PHF14: variants seen among roughly 807,000 people sequenced by gnomAD.
PHF14 encodes the protein PHD finger protein 14.
A neutral mutation model predicts 117.9 loss-of-function variants in PHF14; 55 were observed. That is an observed-to-expected ratio of 0.47 (90% CI 0.38 to 0.58). PHF14 has a LOEUF of 0.58. PHF14 is among the 20% of genes least tolerant of loss of function. The pLI, the probability that PHF14 is intolerant of heterozygous loss-of-function variation, is 0.00. For missense variants in PHF14, 978 were observed against 1,122.2 expected, an observed-to-expected ratio of 0.87 and a Z score of 1.84; for synonymous variants, 409 against 368.6, an observed-to-expected ratio of 1.11 and a Z score of -1.26.
intron 5 of PHF14, among the ~76,000 whole-genome samples, chr7:11,019,109 T>C (rs1783635387): frequency 1.3e-5 from 2 of 152,172 alleles, no homozygotes; most frequent in Non-Finnish European, 2.9e-5. Context: ...TAATGATCTT[T>C]CTAACGTATT....
chr7:11,129,410 G>C (rs1054596392), intron 17 of PHF14, among the ~76,000 whole-genome samples: 1 of 151,954 alleles, frequency 6.6e-6, no homozygotes, highest in African/African-American at 2.4e-5. Flanking sequence ...AATAGTACCT[G>C]TTCACAGATT....
intron 13 of PHF14, among the ~76,000 whole-genome samples, chr7:11,047,570 C>T (rs78126347): frequency 2.7e-5 from 4 of 149,814 alleles, no homozygotes; most frequent in Admixed American, 2.0e-4. Context: ...CTGAGGCGGG[C>T]GGATCACTTG....
At chr7:11,155,652 C>G (rs1196584021) in intron 17 of PHF14, among the ~76,000 whole-genome samples, 2 of 152,068 alleles carry the variant, frequency 1.3e-5, no homozygotes, top group Admixed American at 1.3e-4. Context: ...CTATGTTTTT[C>G]TTCCATTGAA....
intron 16 of PHF14, among the ~76,000 whole-genome samples, chr7:11,086,745 G>A (rs1421598390): frequency 6.6e-6 from 1 of 152,080 alleles, no homozygotes; most frequent in Admixed American, 6.6e-5. Flanking sequence ...ACAAAACATT[G>A]AAATTTTGGT....
At chr7:10,995,638 C>T (rs896814957) in intron 4 of PHF14, among the ~76,000 whole-genome samples, 1 of 152,182 alleles carries the variant, frequency 6.6e-6, no homozygotes, top group African/African-American at 2.4e-5. Flanking sequence ...ACGCAGGAGC[C>T]CATGGCGGGG....
intron 7 of PHF14, among the ~76,000 whole-genome samples, chr7:11,032,436 G>A (rs1396083322): frequency 6.6e-6 from 1 of 151,354 alleles, no homozygotes; most frequent in African/African-American, 2.4e-5. Context: ...CCGAAGTTGT[G>A]TCTTCTTTCA....
intron 17 of PHF14, among the ~76,000 whole-genome samples, chr7:11,153,560 A>C (rs1788760269): frequency 6.6e-6 from 1 of 152,078 alleles, no homozygotes; most frequent in African/African-American, 2.4e-5. Context: ...AGTCATCATA[A>C]AGTAGTTGGC....
rs545425779 is a variant in PHF14 at position 11,077,416 on chromosome 7, C to T, written c.2654+15331C>T. Among the ~76,000 whole-genome samples the T allele has an allele frequency of 1.1e-4, 17 of 151,822 alleles. 1 individual carries two copies. The South Asian group carries it at 2.3e-3, about 20-fold the overall frequency. ...AAGAGATGAAGACCATCCTGGCCAA[C>T]GTGGTAAAACCCCGTCTCTACTACA... is the stretch of plus-strand genomic sequence containing the variant. On this transcript the variant is annotated intron_variant, in intron 16 of 17. Coordinates refer to ENST00000634607, the MANE Select transcript of PHF14 (RefSeq NM_001007157.2).
chr7:11,105,389 C>T, intron 16 of PHF14: 2 of 955,832 alleles, frequency 2.1e-6, no homozygotes, highest in Non-Finnish European at 2.5e-6. Flanking sequence ...TGGTTTTAAA[C>T]AAAGTTACTT....
chr7:11,032,569 C>G (rs1639272796), intron 7 of PHF14, among the ~76,000 whole-genome samples: 1 of 151,600 alleles, frequency 6.6e-6, no homozygotes, highest in Non-Finnish European at 1.5e-5. Flanking sequence ...TAAACTTAAT[C>G]CATAGATGGA....
At chr7:11,107,763 A>G (rs1325654718) in intron 16 of PHF14, 2 of 870,630 alleles carry the variant, frequency 2.3e-6, no homozygotes, top group African/African-American at 3.6e-5. Flanking sequence ...TTTGTGGGTC[A>G]ATGACTGCTT....
chr7:11,140,048 G>A (rs1281496958), intron 17 of PHF14, among the ~76,000 whole-genome samples: 2 of 152,014 alleles, frequency 1.3e-5, no homozygotes, highest in Non-Finnish European at 2.9e-5. Context: ...CACCTTACAC[G>A]TTCCTACACA....
intron 14 of PHF14, among the ~76,000 whole-genome samples, chr7:11,057,685 T>C (rs1289742600): frequency 6.6e-6 from 1 of 152,220 alleles, no homozygotes; most frequent in Admixed American, 6.5e-5. Flanking sequence ...GAATAAACTA[T>C]TTAAAAGTTG....
At chr7:11,057,721 C>A (rs560386850) in intron 14 of PHF14, among the ~76,000 whole-genome samples, 2 of 152,210 alleles carry the variant, frequency 1.3e-5, no homozygotes, top group African/African-American at 4.8e-5. Context: ...AATTTTACAC[C>A]TTTTCAGTTT....
intron 9 of PHF14, 92 bp from the exon 10 acceptor site, chr7:11,036,893 G>T (rs1784338113): frequency 2.0e-6 from 2 of 995,906 alleles, no homozygotes; most frequent in East Asian, 5.2e-5. Flanking sequence ...AAACTATGTA[G>T]GTTTATCAAT....
At chr7:11,042,634 C>A in intron 12 of PHF14, 49 bp from the exon 13 acceptor site, 2 of 1,323,768 alleles carry the variant, frequency 1.5e-6, no homozygotes, top group Admixed American at 2.5e-5. Context: ...TAAACTGTTT[C>A]ACTATGATAA....
intron 17 of PHF14, among the ~76,000 whole-genome samples, chr7:11,138,054 T>TTTTTTTTA (rs1788277545): frequency 6.6e-6 from 1 of 151,782 alleles, no homozygotes; most frequent in African/African-American, 2.4e-5. Context: ...TTTTTTTTTT[T>TTTTTTTTA]GAGACGGAGT....
chr7:11,104,938 T>A, intron 16 of PHF14: 2 of 965,330 alleles, frequency 2.1e-6, no homozygotes, highest in South Asian at 9.6e-5. Flanking sequence ...GCTTTTAACA[T>A]CTCCTTAAAA....
intron 17 of PHF14, among the ~76,000 whole-genome samples, chr7:11,167,410 T>G (rs1461787475): frequency 6.6e-6 from 1 of 152,220 alleles, no homozygotes; most frequent in African/African-American, 2.4e-5. Flanking sequence ...TTTACGATAG[T>G]TAAGAACAAT....
Sources: gnomAD v4.1 joint callset for allele counts (sites outside exome capture counted in the v4.1 genomes callset) on GRCh38, gnomAD v4.1.1 for gene constraint, MANE v1.5 for transcripts, NCBI Gene and HGNC (gene_info 2026-07-23, HGNC 2026-07-21) for gene names.